Variants in UNC5D observed in about 807,000 individuals in gnomAD.
The protein encoded by UNC5D is unc-5 netrin receptor D, also known as netrin receptor UNC5D.
Under a neutral mutation model 105.4 loss-of-function variants are expected in UNC5D, and 39 were observed. The ratio of observed to expected loss-of-function variants is 0.37; its 90% CI spans 0.29 to 0.48. The LOEUF (loss-of-function observed/expected upper bound fraction) is 0.48. Among genes scored for constraint, UNC5D ranks in the 20% least tolerant of loss-of-function variants. The pLI, the probability that UNC5D is intolerant of heterozygous loss-of-function variation, is 0.98. For synonymous variants in UNC5D, 452 were observed against 450.4 expected (o/e 1.00, Z -0.04); for missense variants, 991 against 1,202.4 (o/e 0.82, Z 2.60).
At chr8:35,789,968 G>T (rs956833155) in intron 16 of UNC5D, among the ~76,000 whole-genome samples, 1 of 151,588 alleles carries the variant, frequency 6.6e-6, no homozygotes, top group Admixed American at 6.6e-5. Flanking sequence ...AAGACTTGGG[G>T]CCAAACATGG....
rs1346702165 is a variant in UNC5D at position 35,248,875 on chromosome 8, TATATA to T, written c.103+12994_103+12998del. Among the ~76,000 whole-genome samples, 10 of 90,144 alleles carry T rather than the reference TATATA, an allele frequency of 1.1e-4. No homozygotes were observed. In the East Asian group the frequency reaches 3.0e-3, roughly 27 times the overall value. The allele number at this position is 90,144 out of a possible 152,430, so 59.1% of individuals were successfully genotyped here. On this transcript the variant is annotated intron_variant, in intron 1 of 16. Coordinates refer to ENST00000404895, the MANE Select transcript of UNC5D (RefSeq NM_080872.4). ...ATATAATTCTATAATAATATAAAAA[TATATA>T]ATATATTATATAAATATATAATATA...
At chr8:35,597,118 TA>T (rs1819538348) in intron 4 of UNC5D, among the ~76,000 whole-genome samples, 1 of 152,036 alleles carries the variant, frequency 6.6e-6, no homozygotes, top group Non-Finnish European at 1.5e-5. Flanking sequence ...AAAAAGGAGA[TA>T]AAATAAAGGG....
chr8:35,549,488 A>G lies in UNC5D; in HGVS notation c.300A>G (p.Glu100=), dbSNP rs753229247. 7 of 1,612,050 alleles carry G rather than the reference A, an allele frequency of 4.3e-6. No individual in the cohort carries two copies. The highest frequency in any genetic ancestry group is 5.9e-6 in the Non-Finnish European group (7 of 1,179,836). ...EWVHQNEHVS[E]ETLDESSGLK... ...TCCATCAGAACGAGCACGTCTCTGA[A>G]GAGACTCTGGACGAGAGCTCAGGTA... The change falls in exon 2 of 17, where the codon GAA becomes GAG. Residue 100 remains glutamate (E), a synonymous_variant. Coordinates refer to ENST00000404895, the MANE Select transcript of UNC5D (RefSeq NM_080872.4).
rs561418823 is a variant in UNC5D at position 35,724,143 on chromosome 8, G to A, written c.1303+1748G>A. On this transcript the variant is annotated intron_variant, in intron 9 of 16. Transcript: ENST00000404895. ...TCCCTGGCCTACACCTGTCTGGGGAGTGCTGACTTGCCTACACTTAAACTC... is the reference window on the plus strand; with the variant it reads ...TCCCTGGCCTACACCTGTCTGGGGAATGCTGACTTGCCTACACTTAAACTC... The A allele has an allele frequency of 1.2e-4, 167 of 1,442,064 alleles. 2 individuals are homozygous for A. The South Asian group carries it at 2.3e-3, about 20-fold the overall frequency. The allele number at this position is 1,442,064 out of a possible 1,614,324, so 89.3% of individuals were successfully genotyped here.
chr8:35,395,904 C>T (rs1353593294), intron 1 of UNC5D, among the ~76,000 whole-genome samples: 1 of 152,146 alleles, frequency 6.6e-6, no homozygotes, highest in African/African-American at 2.4e-5. Context: ...GGGGCACTGG[C>T]ACACAGGAAA....
chr8:35,594,229 C>T (rs552968733), intron 3 of UNC5D, among the ~76,000 whole-genome samples: 3 of 152,292 alleles, frequency 2.0e-5, no homozygotes, highest in Admixed American at 6.5e-5. Flanking sequence ...TAACAAAAGA[C>T]ATTGGTTGCC....
chr8:35,509,037 T>C (rs1246471024), intron 1 of UNC5D, among the ~76,000 whole-genome samples: 2 of 152,132 alleles, frequency 1.3e-5, no homozygotes, highest in Admixed American at 1.3e-4. Flanking sequence ...TCAAGGTTGA[T>C]TTTGGAAACT....
chr8:35,508,231 G>A (rs2130321846), intron 1 of UNC5D, among the ~76,000 whole-genome samples: 1 of 152,302 alleles, frequency 6.6e-6, no homozygotes, highest in South Asian at 2.1e-4. Context: ...TCACTGTTTG[G>A]ATTTCAGTGC....
chr8:35,677,055 G>T (rs1003691584), intron 4 of UNC5D, among the ~76,000 whole-genome samples: 14 of 150,886 alleles, frequency 9.3e-5, no homozygotes, highest in Admixed American at 3.9e-4. Context: ...GGTAATGATA[G>T]TCTGACCCTA....
intron 10 of UNC5D, chr8:35,726,845 AG>A (rs1828907599): frequency 3.1e-6 from 1 of 324,112 alleles, no homozygotes; most frequent in Non-Finnish European, 5.7e-6. Flanking sequence ...AGGCATGATA[AG>A]AAAGCACTGA....
chr8:35,442,317 T>A (rs1338726195), intron 1 of UNC5D, among the ~76,000 whole-genome samples: 1 of 151,884 alleles, frequency 6.6e-6, no homozygotes, highest in Non-Finnish European at 1.5e-5. Flanking sequence ...AGTATGAAAT[T>A]AGTTATACAC....
chr8:35,394,147 T>C (rs551711240), intron 1 of UNC5D, among the ~76,000 whole-genome samples: 1 of 152,326 alleles, frequency 6.6e-6, no homozygotes, highest in East Asian at 1.9e-4. Context: ...GGGGTAGTTC[T>C]TCAAAAGCAG....
chr8:35,601,672 T>C (rs1320019090), intron 4 of UNC5D, among the ~76,000 whole-genome samples: 1 of 152,220 alleles, frequency 6.6e-6, no homozygotes, highest in African/African-American at 2.4e-5. Context: ...TTTGCTGAAG[T>C]TGCTTATCAG....
In UNC5D at chr8:35,340,096, C is replaced by G. The variant is rs531262220; in HGVS notation, c.103+104209C>G. On this transcript the variant is annotated intron_variant, in intron 1 of 16. Transcript: ENST00000404895. The stretch of plus-strand genomic sequence containing the variant: ...TCTATGTTCAGGAATGGGTAAAGGC[C>G]TCTTAAACAAAAATGGAGTTAGTTA... 3.3e-5 allele frequency among the ~76,000 whole-genome samples: 5 copies of G among 152,216 alleles called. No individual in the cohort carries two copies. The East Asian group carries it at 9.7e-4, about 29-fold the overall frequency.
At chr8:35,550,054 T>G (rs955335943) in intron 2 of UNC5D, among the ~76,000 whole-genome samples, 1 of 151,912 alleles carries the variant, frequency 6.6e-6, no homozygotes, top group Admixed American at 6.6e-5. Flanking sequence ...GGACCATCTT[T>G]ACATTATTAG....
chr8:35,476,263 A>T (rs1401781656), intron 1 of UNC5D, among the ~76,000 whole-genome samples: 1 of 152,228 alleles, frequency 6.6e-6, no homozygotes, highest in Non-Finnish European at 1.5e-5. Flanking sequence ...GGCCTTCACA[A>T]GTACACTGGA....
chr8:35,786,482 T>A (rs1203939230), intron 16 of UNC5D, among the ~76,000 whole-genome samples: 1 of 152,146 alleles, frequency 6.6e-6, no homozygotes, highest in Non-Finnish European at 1.5e-5. Flanking sequence ...CTCCAGCCCT[T>A]CTCTTTCTTG....
At chr8:35,713,154 G>GA (rs1329050533) in intron 8 of UNC5D, among the ~76,000 whole-genome samples, 2 of 151,868 alleles carry the variant, frequency 1.3e-5, no homozygotes, top group East Asian at 3.9e-4. Flanking sequence ...GCCCTTAATG[G>GA]ACATGATGGG....
chr8:35,572,471 C>T (rs902290754), intron 3 of UNC5D, among the ~76,000 whole-genome samples: 2 of 151,948 alleles, frequency 1.3e-5, no homozygotes, highest in African/African-American at 4.8e-5. Flanking sequence ...ACTTTCAGAT[C>T]ATTTGATTTT....
Sources: allele counts gnomAD v4.1 joint callset (sites outside exome capture counted in the v4.1 genomes callset), GRCh38; gene constraint gnomAD v4.1.1; transcripts MANE v1.5; gene names NCBI Gene and HGNC (gene_info 2026-07-23, HGNC 2026-07-21).